CADPS2: variants seen among roughly 807,000 people sequenced by gnomAD.
The protein encoded by CADPS2 is calcium dependent secretion activator 2.
Under a neutral mutation model 172.5 loss-of-function variants are expected in CADPS2, and 93 were observed. That is an observed-to-expected ratio of 0.54 (90% CI 0.46 to 0.64). The LOEUF (loss-of-function observed/expected upper bound fraction) is 0.64, where lower values mean the gene tolerates loss of function less well. Ranked by LOEUF, CADPS2 falls within the 30% of genes least tolerant of loss-of-function variation. The pLI, the probability that CADPS2 is intolerant of heterozygous loss-of-function variation, is 0.00. For synonymous variants in CADPS2, 546 were observed against 555.2 expected, an observed-to-expected ratio of 0.98 and a Z score of 0.23; for missense variants, 1,420 against 1,565.9, an observed-to-expected ratio of 0.91 and a Z score of 1.57.
intron 1 of CADPS2, among the ~76,000 whole-genome samples, chr7:122,875,406 A>G (rs1177288852): frequency 6.6e-6 from 1 of 152,222 alleles, no homozygotes; most frequent in East Asian, 1.9e-4. Context: ...ATATGAATTA[A>G]ATATGGCTGG....
intron 1 of CADPS2, among the ~76,000 whole-genome samples, chr7:122,799,129 A>AC (rs1265827396): frequency 6.6e-6 from 1 of 152,092 alleles, no homozygotes. Context: ...TCTTTGCACC[A>AC]TTCAAAAATA....
At chr7:122,542,198 C>A (rs935830886) in intron 8 of CADPS2, among the ~76,000 whole-genome samples, 5 of 151,930 alleles carry the variant, frequency 3.3e-5, no homozygotes, top group Non-Finnish European at 7.4e-5. Flanking sequence ...AAGTAACTTG[C>A]CTTAAGATCA....
In CADPS2 at chr7:122,756,080, G is replaced by A. The variant is rs1428511838; in HGVS notation, c.340-19012C>T. Among the ~76,000 whole-genome samples, 3 of 152,176 alleles carry A rather than the reference G, an allele frequency of 2.0e-5. No homozygotes were observed. In the East Asian group the frequency reaches 5.8e-4, roughly 29 times the overall value. On this transcript the variant is annotated intron_variant, in intron 1 of 29. Coordinates refer to ENST00000449022, the MANE Select transcript of CADPS2 (RefSeq NM_017954.11). ...AGTTTAGGTTTAATCAGGAGTTTATGAGCCAAATGTTGAAGTTTTTTAGAA... is the reference window on the plus strand; with the variant it reads ...AGTTTAGGTTTAATCAGGAGTTTATAAGCCAAATGTTGAAGTTTTTTAGAA...
intron 2 of CADPS2, among the ~76,000 whole-genome samples, chr7:122,683,847 T>C (rs2083335909): frequency 6.6e-6 from 1 of 152,076 alleles, no homozygotes; most frequent in South Asian, 2.1e-4. Flanking sequence ...TCCAGTTTCC[T>C]CCCACATCCC....
chr7:122,553,976 G>A (rs183492203), intron 8 of CADPS2, among the ~76,000 whole-genome samples: 2 of 152,240 alleles, frequency 1.3e-5, no homozygotes, highest in African/African-American at 4.8e-5. Flanking sequence ...AACCTTGGCA[G>A]AGATGAAGGC....
rs577815811 is a variant in CADPS2 at position 122,746,613 on chromosome 7, G to A, written c.340-9545C>T. On this transcript the variant is annotated intron_variant, in intron 1 of 29. Transcript: ENST00000449022. ...CACACTAACACTAACGACAGCTGAT[G>A]AGCTAAAACACACAGACACACACAC... Among the ~76,000 whole-genome samples, 31 of 142,058 alleles carry A rather than the reference G, an allele frequency of 2.2e-4. No individual in the cohort carries two copies. The East Asian group carries it at 5.2e-3, about 24-fold the overall frequency. The allele number at this position is 142,058 out of a possible 152,430, so 93.2% of individuals were successfully genotyped here.
chr7:122,345,055 C>T (rs1019066228), intron 28 of CADPS2, among the ~76,000 whole-genome samples: 1 of 151,810 alleles, frequency 6.6e-6, no homozygotes, highest in East Asian at 1.9e-4. Flanking sequence ...CCCCGCCATC[C>T]CCCCGGCCCA....
chr7:122,837,100 A>G (rs1285373007), intron 1 of CADPS2, among the ~76,000 whole-genome samples: 1 of 152,130 alleles, frequency 6.6e-6, no homozygotes, highest in Non-Finnish European at 1.5e-5. Flanking sequence ...AGTGCAATCA[A>G]ACTAGAACTC....
At chr7:122,685,448 G>A (rs753764865) in intron 2 of CADPS2, among the ~76,000 whole-genome samples, 8 of 152,290 alleles carry the variant, frequency 5.3e-5, no homozygotes, top group East Asian at 1.9e-4. Flanking sequence ...CAGGTTAAAC[G>A]TTCCTGACAC....
In CADPS2 at chr7:122,320,260, G is replaced by A. The variant is rs1378741489; in HGVS notation, c.3796C>T (p.Arg1266Cys). 6 of 1,613,444 alleles carry A rather than the reference G, an allele frequency of 3.7e-6. No homozygotes were observed. The highest frequency in any genetic ancestry group is 2.2e-5 in the East Asian group (1 of 44,856). ...NSKTYDTVHR[R>C]LTVEEATASV... Reference sequence around the variant, plus strand: ...GCTGTGGCCTCCTCTACTGTTAAACGTCTGTGCACAGTATCATAAGTCTTA... The same window carrying A: ...GCTGTGGCCTCCTCTACTGTTAAACATCTGTGCACAGTATCATAAGTCTTA... Residue 1266 changes from arginine (R) to cysteine (C), a missense_variant, in exon 30 of 30, where the codon CGT becomes TGT. Coordinates refer to ENST00000449022, the MANE Select transcript of CADPS2 (RefSeq NM_017954.11).
chr7:122,866,518 T>C (rs1481067551), intron 1 of CADPS2, among the ~76,000 whole-genome samples: 3 of 152,214 alleles, frequency 2.0e-5, no homozygotes, highest in East Asian at 1.9e-4. Flanking sequence ...CTAGCCAACA[T>C]GGTGAAACCC....
chr7:122,562,666 A>G (rs1297651563), intron 7 of CADPS2, among the ~76,000 whole-genome samples: 1 of 152,130 alleles, frequency 6.6e-6, no homozygotes, highest in African/African-American at 2.4e-5. Context: ...CATAAAGGAA[A>G]ATTAAATTTA....
At chr7:122,673,594 C>T (rs376837128) in intron 2 of CADPS2, among the ~76,000 whole-genome samples, 3 of 151,970 alleles carry the variant, frequency 2.0e-5, no homozygotes, top group African/African-American at 7.3e-5. Flanking sequence ...TAAAAGTTCT[C>T]CAAGTCCCCA....
At chr7:122,550,449 ACT>A (rs1207352444) in intron 8 of CADPS2, among the ~76,000 whole-genome samples, 3 of 152,048 alleles carry the variant, frequency 2.0e-5, no homozygotes, top group Non-Finnish European at 4.4e-5. Flanking sequence ...TAGTTACGAA[ACT>A]CTATTTTTAC....
In CADPS2 at chr7:122,886,345, G is replaced by C. The variant is rs988297020; in HGVS notation, c.-8C>G. On this transcript the variant is annotated 5_prime_UTR_variant, in exon 1 of 30. Coordinates refer to ENST00000449022, the MANE Select transcript of CADPS2 (RefSeq NM_017954.11). ...GGAAGACGGGTCCAGCATGGTGCTC[G>C]GGGATCCCCGCCGCTCGGCCCGCGG... The C allele has an allele frequency of 4.7e-6, 7 of 1,491,900 alleles. No individual in the cohort carries two copies. Among genetic ancestry groups the C allele is most frequent in the African/African-American group, 2.9e-5 (2 of 68,464 alleles). The allele number at this position is 1,491,900 out of a possible 1,614,324, so 92.4% of individuals were successfully genotyped here. A position where few individuals can be genotyped will look rare whatever the true frequency, so the allele number is the denominator to read the frequency against.
chr7:122,768,198 A>G (rs2093611678), intron 1 of CADPS2, among the ~76,000 whole-genome samples: 1 of 152,178 alleles, frequency 6.6e-6, no homozygotes, highest in African/African-American at 2.4e-5. Context: ...TATATTAGCC[A>G]TAGAAAAACA....
intron 2 of CADPS2, among the ~76,000 whole-genome samples, chr7:122,729,788 C>A (rs998040713): frequency 1.3e-5 from 2 of 149,470 alleles, no homozygotes; most frequent in African/African-American, 4.9e-5. Flanking sequence ...AAAGCAATGG[C>A]ATGAGTTGCA....
chr7:122,598,184 G>A (rs2072171253), intron 6 of CADPS2, among the ~76,000 whole-genome samples: 1 of 151,894 alleles, frequency 6.6e-6, no homozygotes, highest in Admixed American at 6.6e-5. Flanking sequence ...TAATTGAAAA[G>A]AAGCACAGTT....
At chr7:122,510,555 C>T (rs1013653861) in intron 9 of CADPS2, among the ~76,000 whole-genome samples, 1 of 152,148 alleles carries the variant, frequency 6.6e-6, no homozygotes, top group Non-Finnish European at 1.5e-5. Flanking sequence ...AATTCTTGAG[C>T]TGATGGTTGG....
Sources: gnomAD v4.1 joint callset for allele counts (sites outside exome capture counted in the v4.1 genomes callset) on GRCh38, gnomAD v4.1.1 for gene constraint, MANE v1.5 for transcripts, NCBI Gene and HGNC (gene_info 2026-07-23, HGNC 2026-07-21) for gene names.